Variants in SMAD3 observed in about 807,000 individuals in gnomAD.
SMAD3 encodes the protein SMAD family member 3.
Under a neutral mutation model 51.8 loss-of-function variants are expected in SMAD3, and 12 were observed. The observed-to-expected ratio is 0.23, with a 90% CI of 0.15 to 0.38. The LOEUF (loss-of-function observed/expected upper bound fraction) is 0.38, where lower values mean the gene tolerates loss of function less well. Among genes scored for constraint, SMAD3 ranks in the 10% least tolerant of loss-of-function variants. SMAD3 has a pLI of 1.00. For synonymous variants in SMAD3, 238 were observed against 227.7 expected (o/e 1.05, Z -0.41); for missense variants, 294 against 565.6 (o/e 0.52, Z 4.87).
At position 67,113,178 on chromosome 15, in the gene SMAD3, G is replaced by T. The variant is rs1474731139; in HGVS notation, c.206+46818G>T. Among the ~76,000 whole-genome samples the T allele has an allele frequency of 3.2e-5, 4 of 124,194 alleles. 1 individual carries two copies. The highest frequency in any genetic ancestry group is 1.3e-4 in the African/African-American group (4 of 31,126). 81.5% of individuals were successfully genotyped at this position (124,194 alleles called of 152,430 possible). A position where few individuals can be genotyped will look rare whatever the true frequency, so the allele number is the denominator to read the frequency against. On this transcript the variant is annotated intron_variant, in intron 1 of 8. Coordinates refer to ENST00000327367, the MANE Select transcript of SMAD3 (RefSeq NM_005902.4). ...GGCTCACTGCAAACTCTGCCTCCCG[G>T]GTTCACGTCATTCTCCTGCCTCAGC...
intron 1 of SMAD3, among the ~76,000 whole-genome samples, chr15:67,107,965 T>TCCCCCCC (rs138958033): frequency 1.4e-3 from 173 of 124,688 alleles, no homozygotes; most frequent in Non-Finnish European, 2.0e-3. Flanking sequence ...TGCTCTCCTC[T>TCCCCCCC]CCCCCCCACC....
At chr15:67,144,437 T>G (rs775623369) in intron 1 of SMAD3, among the ~76,000 whole-genome samples, 1 of 152,206 alleles carries the variant, frequency 6.6e-6, no homozygotes, top group Non-Finnish European at 1.5e-5. Flanking sequence ...TGAAGTAGTA[T>G]TTTGTTTTTG....
chr15:67,130,163 G>A (rs1455457866), intron 1 of SMAD3, among the ~76,000 whole-genome samples: 3 of 152,196 alleles, frequency 2.0e-5, no homozygotes, highest in Non-Finnish European at 4.4e-5. Context: ...GCCTTGCATG[G>A]TGGATGAATA....
In SMAD3 at chr15:67,192,942, T is replaced by C. The variant is rs974997524; in HGVS notation, c.*2406T>C. 4.3e-6 allele frequency: 1 copy of C among 233,150 alleles called. No individual in the cohort carries two copies. Among genetic ancestry groups the C allele is most frequent in the Non-Finnish European group, 8.5e-6 (1 of 117,972 alleles). 14.4% of individuals were successfully genotyped at this position (233,150 alleles called of 1,614,324 possible). On this transcript the variant is annotated 3_prime_UTR_variant, in exon 9 of 9. Coordinates refer to ENST00000327367, the MANE Select transcript of SMAD3 (RefSeq NM_005902.4). Reference sequence around the variant, plus strand: ...GGATACTTCCTTGGCCCTTTTTCTTTATTGACTAGACCACCAGAGGAGGAT... The same window carrying C: ...GGATACTTCCTTGGCCCTTTTTCTTCATTGACTAGACCACCAGAGGAGGAT...
chr15:67,146,693 GAAGA>G (rs1164567897), intron 1 of SMAD3, among the ~76,000 whole-genome samples: 1 of 152,182 alleles, frequency 6.6e-6, no homozygotes, highest in Non-Finnish European at 1.5e-5. Flanking sequence ...AGCGGGGAGA[GAAGA>G]ATGAGCCTTT....
intron 1 of SMAD3, among the ~76,000 whole-genome samples, chr15:67,126,600 T>A (rs1555409213): frequency 6.6e-6 from 1 of 151,316 alleles, no homozygotes; most frequent in South Asian, 2.1e-4. Flanking sequence ...CTATTCTGCG[T>A]TTAAGGCCCA....
At chr15:67,117,990 G>A (rs755747563) in intron 1 of SMAD3, among the ~76,000 whole-genome samples, 16 of 152,238 alleles carry the variant, frequency 1.1e-4, no homozygotes, top group Non-Finnish European at 2.1e-4. Context: ...TACTCAGGAG[G>A]CTAAGACAGG....
chr15:67,086,254 G>A (rs4776883), intron 1 of SMAD3, among the ~76,000 whole-genome samples: 82,760 of 151,908 alleles, frequency 0.54, 22,789 homozygotes, highest in South Asian at 0.73. Context: ...TGTGAAGGCT[G>A]TAGGGGTGTG....
At chr15:67,158,479 T>A (rs1406060727) in intron 1 of SMAD3, among the ~76,000 whole-genome samples, 2 of 152,206 alleles carry the variant, frequency 1.3e-5, no homozygotes, top group African/African-American at 4.8e-5. Context: ...CAGATGACTT[T>A]TAGAAAATAC....
intron 1 of SMAD3, among the ~76,000 whole-genome samples, chr15:67,120,758 G>A (rs1417332284): frequency 6.6e-6 from 1 of 152,208 alleles, no homozygotes; most frequent in African/African-American, 2.4e-5. Flanking sequence ...TTTAGAGCAA[G>A]CTTGTCCACC....
At chr15:67,185,967 T>G (rs1409245077) in intron 7 of SMAD3, among the ~76,000 whole-genome samples, 1 of 152,230 alleles carries the variant, frequency 6.6e-6, no homozygotes, top group African/African-American at 2.4e-5. Context: ...GGGGAAACTT[T>G]AGAATGCAGA....
chr15:67,121,413 C>T (rs1021662698), intron 1 of SMAD3, among the ~76,000 whole-genome samples: 2 of 152,098 alleles, frequency 1.3e-5, no homozygotes, highest in South Asian at 4.2e-4. Context: ...CAGGGTGTGC[C>T]CCACATGTCA....
chr15:67,099,836 A>G (rs1049357180), intron 1 of SMAD3, among the ~76,000 whole-genome samples: 14 of 152,258 alleles, frequency 9.2e-5, no homozygotes, highest in African/African-American at 3.4e-4. Flanking sequence ...TTACTTAGCA[A>G]TTAATTCAAA....
chr15:67,176,591 C>T (rs1223398368), intron 5 of SMAD3, among the ~76,000 whole-genome samples: 2 of 152,216 alleles, frequency 1.3e-5, no homozygotes, highest in East Asian at 1.9e-4. Flanking sequence ...TTTTAATAGG[C>T]ATCCCTTAAT....
At chr15:67,105,912 G>A (rs1291487726) in intron 1 of SMAD3, among the ~76,000 whole-genome samples, 1 of 152,150 alleles carries the variant, frequency 6.6e-6, no homozygotes, top group African/African-American at 2.4e-5. Context: ...GGCCCTCCCT[G>A]CCGTCTGCAC....
chr15:67,107,632 A>G (rs948115419), intron 1 of SMAD3, among the ~76,000 whole-genome samples: 4 of 152,284 alleles, frequency 2.6e-5, no homozygotes, highest in African/African-American at 9.6e-5. Flanking sequence ...AGCCTAAGTC[A>G]CTGCCTGTCG....
intron 6 of SMAD3, among the ~76,000 whole-genome samples, chr15:67,182,226 C>A (rs1963079971): frequency 6.6e-6 from 1 of 152,138 alleles, no homozygotes; most frequent in South Asian, 2.1e-4. Flanking sequence ...AAGAATTGTC[C>A]ACTATCCAAA....
intron 1 of SMAD3, among the ~76,000 whole-genome samples, chr15:67,126,558 C>T (rs1441317224): frequency 6.6e-6 from 1 of 152,182 alleles, no homozygotes; most frequent in Admixed American, 6.5e-5. Flanking sequence ...AGACATTAAA[C>T]CTGTACCACC....
intron 1 of SMAD3, chr15:67,078,188 A>G (rs1960211596): frequency 6.6e-6 from 1 of 152,280 alleles, no homozygotes; most frequent in Admixed American, 6.5e-5. Flanking sequence ...TCAGGTAATT[A>G]GCCAGTGAGT....
Sources: allele counts gnomAD v4.1 joint callset (sites outside exome capture counted in the v4.1 genomes callset), GRCh38; gene constraint gnomAD v4.1.1; transcripts MANE v1.5; gene names NCBI Gene and HGNC (gene_info 2026-07-23, HGNC 2026-07-21).